The following DHRSX variants were observed in gnomAD, a reference collection of about 807,000 sequenced individuals.
DHRSX encodes dehydrogenase/reductase X-linked, also known as polyprenol dehydrogenase.
Under a neutral mutation model 34.0 loss-of-function variants are expected in DHRSX, and 31 were observed. The ratio of observed to expected loss-of-function variants is 0.91; its 90% confidence interval spans 0.69 to 1.23. The LOEUF is 1.23. DHRSX is among the 50% of genes most tolerant of loss of function. DHRSX has a pLI of 0.00. For synonymous variants in DHRSX, 201 were observed against 183.8 expected, an observed-to-expected ratio of 1.09 and a Z score of -0.76; for missense variants, 414 against 428.1, an observed-to-expected ratio of 0.97 and a Z score of 0.29.
intron 3 of DHRSX, among the ~76,000 whole-genome samples, chrX:2,349,161 C>T (rs1234026858): frequency 6.6e-6 from 1 of 151,898 alleles, no homozygotes; most frequent in African/African-American, 2.4e-5. Context: ...GGTATTTATC[C>T]AAAAGATAAA....
At chrX:2,353,764 T>A (rs1290469769) in intron 3 of DHRSX, among the ~76,000 whole-genome samples, 1 of 145,940 alleles carries the variant, frequency 6.9e-6, no homozygotes, top group African/African-American at 2.6e-5. Context: ...TGTTTTTTTT[T>A]AGTAGAGATG....
At chrX:2,494,929 T>C (rs748040565) in intron 1 of DHRSX, among the ~76,000 whole-genome samples, 4 of 151,956 alleles carry the variant, frequency 2.6e-5, no homozygotes, top group Admixed American at 2.6e-4. Context: ...CTGAAAGAGC[T>C]CCCAGGACCT....
At chrX:2,326,478 G>A (rs1297772418) in intron 3 of DHRSX, among the ~76,000 whole-genome samples, 1 of 152,214 alleles carries the variant, frequency 6.6e-6, no homozygotes, top group East Asian at 1.9e-4. Flanking sequence ...AGCCCAGATC[G>A]CACCACTGCA....
chrX:2,348,437 C>T (rs899063320), intron 3 of DHRSX, among the ~76,000 whole-genome samples: 5 of 152,212 alleles, frequency 3.3e-5, no homozygotes, highest in Non-Finnish European at 7.3e-5. Flanking sequence ...AATTCTGAGG[C>T]GTGCGCTCCT....
At chrX:2,232,307 A>AT (rs1349578059) in intron 6 of DHRSX, among the ~76,000 whole-genome samples, 27 of 147,224 alleles carry the variant, frequency 1.8e-4, no homozygotes, top group African/African-American at 6.9e-4. Flanking sequence ...GGATTCCTGA[A>AT]TGAACTTGTA....
intron 1 of DHRSX, chrX:2,489,706 C>G: frequency 6.2e-7 from 1 of 1,612,874 alleles, no homozygotes; most frequent in Non-Finnish European, 8.5e-7. Flanking sequence ...CCACGTTCTG[C>G]TGCTTCTGCT....
chrX:2,224,983 A>G (rs992552216), intron 6 of DHRSX, among the ~76,000 whole-genome samples: 3 of 136,934 alleles, frequency 2.2e-5, no homozygotes, highest in Admixed American at 7.2e-5. Context: ...CATGCACACT[A>G]ATTCACATGC....
At chrX:2,325,544 C>T (rs1437178167) in intron 3 of DHRSX, among the ~76,000 whole-genome samples, 7 of 152,100 alleles carry the variant, frequency 4.6e-5, no homozygotes, top group Non-Finnish European at 7.3e-5. Flanking sequence ...AACTACAAAG[C>T]CCATTTGCAT....
chrX:2,439,134 A>G (rs1265166985), intron 1 of DHRSX, among the ~76,000 whole-genome samples: 2 of 150,692 alleles, frequency 1.3e-5, no homozygotes, highest in African/African-American at 4.9e-5. Context: ...GACAAGAGCG[A>G]GACTTTTTTG....
intron 5 of DHRSX, among the ~76,000 whole-genome samples, chrX:2,262,265 G>T (rs372912655): frequency 3.3e-5 from 5 of 152,204 alleles, no homozygotes; most frequent in African/African-American, 1.2e-4. Context: ...TGAGAAACAC[G>T]CATGTCTTCC....
chrX:2,358,780 C>T (rs1284842535), intron 3 of DHRSX, among the ~76,000 whole-genome samples: 1 of 151,968 alleles, frequency 6.6e-6, no homozygotes, highest in East Asian at 1.9e-4. Flanking sequence ...ATGTGCTTTG[C>T]TTATGCATAC....
intron 3 of DHRSX, among the ~76,000 whole-genome samples, chrX:2,377,281 C>T (rs1368445076): frequency 6.6e-6 from 1 of 151,838 alleles, no homozygotes; most frequent in Non-Finnish European, 1.5e-5. Flanking sequence ...TTCTACAATA[C>T]AACTCATTGC....
intron 1 of DHRSX, among the ~76,000 whole-genome samples, chrX:2,475,366 A>G (rs1164714565): frequency 6.6e-6 from 1 of 150,444 alleles, no homozygotes; most frequent in Admixed American, 6.6e-5. Flanking sequence ...GCCGACATGT[A>G]CACACTGAAG....
intron 1 of DHRSX, 53 bp downstream of exon 1, chrX:2,500,757 CGAGCCAG>C: frequency 1.1e-6 from 1 of 876,034 alleles, no homozygotes; most frequent in Non-Finnish European, 1.4e-6. Flanking sequence ...CCCCCGCCCC[CGAGCCAG>C]CCCGCGCCCA....
chrX:2,226,695 G>GGAAGCT (rs201376045), intron 6 of DHRSX, among the ~76,000 whole-genome samples: 121,621 of 151,050 alleles, frequency 0.81, 49,286 homozygotes, highest in East Asian at 0.94. Flanking sequence ...CAGCTACTCG[G>GGAAGCT]GAGGCAGGAG....
intron 1 of DHRSX, among the ~76,000 whole-genome samples, chrX:2,432,684 G>C (rs1405453136): frequency 6.6e-6 from 1 of 152,160 alleles, no homozygotes; most frequent in Non-Finnish European, 1.5e-5. Flanking sequence ...GCATGCATGA[G>C]TGAACTCCAA....
intron 3 of DHRSX, among the ~76,000 whole-genome samples, chrX:2,303,845 ATGGATGGG>A (rs755844988): frequency 0.45 from 41,791 of 92,456 alleles, 12,081 homozygotes; most frequent in Non-Finnish European, 0.64. Flanking sequence ...GGATGGATGG[ATGGATGGG>A]TGGATGGGTG....
chrX:2,392,820 C>CAT (rs201269868), intron 3 of DHRSX, among the ~76,000 whole-genome samples: 108,111 of 139,594 alleles, frequency 0.77, 42,043 homozygotes, highest in African/African-American at 0.82. Context: ...TTTATAATGA[C>CAT]ACAAATATAA....
intron 3 of DHRSX, among the ~76,000 whole-genome samples, chrX:2,353,595 T>A (rs1658147884): frequency 6.6e-6 from 1 of 151,370 alleles, no homozygotes; most frequent in South Asian, 2.1e-4. Flanking sequence ...TTTTTTTTTT[T>A]TTTTTGAGAT....
Sources: allele counts gnomAD v4.1 joint callset (sites outside exome capture counted in the v4.1 genomes callset), GRCh38; gene constraint gnomAD v4.1.1; transcripts MANE v1.5; gene names NCBI Gene and HGNC (gene_info 2026-07-23, HGNC 2026-07-21).